Variants in MEGF10 observed in about 807,000 individuals in gnomAD.
MEGF10 encodes the protein multiple epidermal growth factor-like domains protein 10.
Under a neutral mutation model 147.5 loss-of-function variants are expected in MEGF10, and 86 were observed. That is an observed-to-expected ratio of 0.58 (90% CI 0.49 to 0.70). MEGF10 has a LOEUF of 0.70. Among genes scored for constraint, MEGF10 ranks in the 30% least tolerant of loss-of-function variants. The pLI, the probability that MEGF10 is intolerant of heterozygous loss-of-function variation, is 0.00. For synonymous variants in MEGF10, 478 were observed against 525.5 expected, an observed-to-expected ratio of 0.91 and a Z score of 1.24; for missense variants, 1,329 against 1,487.3, an observed-to-expected ratio of 0.89 and a Z score of 1.75.
intron 1 of MEGF10, among the ~76,000 whole-genome samples, chr5:127,299,480 AG>A (rs1425682663): frequency 6.6e-6 from 1 of 152,176 alleles, no homozygotes; most frequent in Admixed American, 6.5e-5. Context: ...CTGGAGGGAA[AG>A]GGTTGCAAAC....
intron 4 of MEGF10, among the ~76,000 whole-genome samples, chr5:127,356,022 G>T (rs1762269771): frequency 6.6e-6 from 1 of 152,188 alleles, no homozygotes; most frequent in South Asian, 2.1e-4. Flanking sequence ...CCCTTGCAGG[G>T]ATAGAAAATG....
chr5:127,440,940 A>T (rs892420341), intron 18 of MEGF10, 73 bp downstream of exon 18: 6 of 1,565,734 alleles, frequency 3.8e-6, no homozygotes, highest in Non-Finnish European at 5.2e-6. Flanking sequence ...ATGCCAGGAA[A>T]TATTAAGGCA....
chr5:127,233,616 A>G, the MEGF10 span, among the ~76,000 whole-genome samples: 4 of 152,234 alleles, frequency 2.6e-5, no homozygotes, highest in Non-Finnish European at 5.9e-5. Flanking sequence ...ACTTAAGGTT[A>G]ATGAATAATA....
At chr5:127,422,475 C>G (rs1056807366) in intron 12 of MEGF10, among the ~76,000 whole-genome samples, 195 bp from the exon 13 acceptor site, 1 of 152,090 alleles carries the variant, frequency 6.6e-6, no homozygotes, top group African/African-American at 2.4e-5. Context: ...AATCACACCA[C>G]TGCACTCCAG....
chr5:127,381,436 T>TA (rs1763258902), intron 5 of MEGF10, among the ~76,000 whole-genome samples: 1 of 152,174 alleles, frequency 6.6e-6, no homozygotes, highest in African/African-American at 2.4e-5. Flanking sequence ...ATACAAACCA[T>TA]TTTCTGACTG....
chr5:127,349,714 T>C (rs1762023798), intron 4 of MEGF10, among the ~76,000 whole-genome samples: 1 of 151,296 alleles, frequency 6.6e-6, no homozygotes, highest in Non-Finnish European at 1.5e-5. Context: ...GGCTACACAA[T>C]ATTTTTTCTG....
At chr5:127,449,835 G>A (rs1766089261) in intron 22 of MEGF10, among the ~76,000 whole-genome samples, 1 of 152,142 alleles carries the variant, frequency 6.6e-6, no homozygotes, top group Non-Finnish European at 1.5e-5. Context: ...GGACCCAAAA[G>A]AGCTTCTGTT....
chr5:127,322,989 G>A (rs1760850838), intron 1 of MEGF10, among the ~76,000 whole-genome samples: 1 of 151,538 alleles, frequency 6.6e-6, no homozygotes, highest in Non-Finnish European at 1.5e-5. Context: ...ATATACATAC[G>A]CACAAACACA....
chr5:127,419,438 A>C (rs1764900820), intron 11 of MEGF10, among the ~76,000 whole-genome samples, 198 bp downstream of exon 11: 1 of 152,198 alleles, frequency 6.6e-6, no homozygotes, highest in Non-Finnish European at 1.5e-5. Context: ...ATGATCTCTG[A>C]AGTCACTGCC....
At chr5:127,262,986 C>T in the MEGF10 span, among the ~76,000 whole-genome samples, 1 of 152,010 alleles carries the variant, frequency 6.6e-6, no homozygotes. Flanking sequence ...CTGAAAGTAA[C>T]AATAGTAGCC....
chr5:127,299,647 C>A (rs977647154), intron 1 of MEGF10, among the ~76,000 whole-genome samples: 1 of 152,174 alleles, frequency 6.6e-6, no homozygotes, highest in Admixed American at 6.5e-5. Context: ...AAAAGTATGT[C>A]ATTCATTCAG....
rs1414959589 is a variant in MEGF10 at position 127,457,140 on chromosome 5, G to C, written c.3245G>C (p.Ser1082Thr). The C allele has an allele frequency of 3.7e-6, 6 of 1,612,560 alleles. No homozygotes were observed. The highest frequency in any genetic ancestry group is 1.7e-5 in the Admixed American group (1 of 59,794). The change falls in exon 25 of 25, where the codon AGT (serine) becomes ACT (threonine). Residue 1082 changes from serine (S) to threonine (T), a missense_variant. By Grantham distance (58) the Ser-to-Thr change is moderately conservative. Around this residue, in one of 3 missense-constraint regions of MEGF10, gnomAD observed 343 missense variants for 377.9 expected, o/e 0.91. Coordinates refer to ENST00000503335, the MANE Select transcript of MEGF10 (RefSeq NM_001256545.2). ...TTGGTTATCACAGAACCTACAGTGAGTGTTGTCCAAGGAGTATTCAGCAAT... is the reference window on the plus strand; with the variant it reads ...TTGGTTATCACAGAACCTACAGTGACTGTTGTCCAAGGAGTATTCAGCAAT... ...RNVYEVEPTV[S>T]VVQGVFSNNG...
At chr5:127,434,050 A>T (rs2127001126) in intron 14 of MEGF10, among the ~76,000 whole-genome samples, 1 of 152,360 alleles carries the variant, frequency 6.6e-6, no homozygotes, top group South Asian at 2.1e-4. Flanking sequence ...AAATGCAATC[A>T]AAAAAGAATA....
intron 9 of MEGF10, among the ~76,000 whole-genome samples, chr5:127,412,301 A>G (rs2088582476): frequency 6.6e-6 from 1 of 152,230 alleles, no homozygotes; most frequent in African/African-American, 2.4e-5. Context: ...TATTAAAACA[A>G]GTTTAATGTT....
chr5:127,363,507 C>A (rs970582623), intron 4 of MEGF10, among the ~76,000 whole-genome samples: 1 of 152,124 alleles, frequency 6.6e-6, no homozygotes, highest in African/African-American at 2.4e-5. Flanking sequence ...GTCGCACTTA[C>A]CACCTGAATC....
the MEGF10 span, among the ~76,000 whole-genome samples, chr5:127,255,044 AG>A: frequency 6.6e-6 from 1 of 151,722 alleles, no homozygotes; most frequent in Non-Finnish European, 1.5e-5. Flanking sequence ...GCAGGGGGCC[AG>A]GGAATGAGTG....
Position 127,443,031 on chromosome 5 carries a change from G to A in MEGF10, c.2396G>A (p.Arg799His), listed in dbSNP as rs200317249. Residue 799 changes from arginine to histidine, a missense_variant, in exon 19 of 25, where the codon CGC becomes CAC. Physicochemically the swap from Arg to His is conservative, Grantham distance 29. Around this residue, in one of 3 missense-constraint regions of MEGF10, gnomAD observed 980 missense variants for 1,085.9 expected, o/e 0.90. Transcript: ENST00000503335. ...CPSGTYGYGC[R>H]QICDCLNNST... is the part of the protein sequence containing the mutation. ...TCAGGAACATATGGCTATGGCTGTC[G>A]CCAGATATGTGATTGTCTGAACAAC... 13 of 1,613,482 alleles carry A rather than the reference G, an allele frequency of 8.1e-6. No individual in the cohort carries two copies. Among genetic ancestry groups the A allele is most frequent in the East Asian group, 2.2e-5 (1 of 44,870 alleles).
At chr5:127,442,132 G>T (rs1224190888) in intron 18 of MEGF10, among the ~76,000 whole-genome samples, 1 of 152,174 alleles carries the variant, frequency 6.6e-6, no homozygotes, top group Non-Finnish European at 1.5e-5. Flanking sequence ...CCAGATGACT[G>T]GTTAAGGTCT....
intron 1 of MEGF10, among the ~76,000 whole-genome samples, chr5:127,298,902 A>T (rs1215832801): frequency 6.6e-6 from 1 of 152,202 alleles, no homozygotes; most frequent in East Asian, 1.9e-4. Flanking sequence ...ACACACTTAA[A>T]TCAGAGAGAC....
Sources: gnomAD v4.1 joint callset for allele counts (sites outside exome capture counted in the v4.1 genomes callset) on GRCh38, gnomAD v4.1.1 for gene constraint, gnomAD v4.1.1 regional missense constraint, MANE v1.5 for transcripts, NCBI Gene and HGNC (gene_info 2026-07-23, HGNC 2026-07-21) for gene names.